Variants in GALNT18 observed in about 807,000 individuals in gnomAD.
GALNT18 encodes the protein polypeptide N-acetylgalactosaminyltransferase 18.
Under a neutral mutation model 69.5 loss-of-function variants are expected in GALNT18, and 44 were observed. The ratio of observed to expected loss-of-function variants is 0.63; its 90% confidence interval spans 0.50 to 0.81. The LOEUF (loss-of-function observed/expected upper bound fraction) is 0.81, where lower values mean the gene tolerates loss of function less well. GALNT18 is among the 40% of genes least tolerant of loss of function. GALNT18 has a pLI of 0.00. For missense variants in GALNT18, 715 were observed against 810.0 expected, an observed-to-expected ratio of 0.88 and a Z score of 1.42; for synonymous variants, 364 against 318.2, an observed-to-expected ratio of 1.14 and a Z score of -1.53.
intron 8 of GALNT18, among the ~76,000 whole-genome samples, chr11:11,328,148 G>A (rs1269508908): frequency 1.3e-5 from 2 of 152,150 alleles, no homozygotes; most frequent in African/African-American, 4.8e-5. Flanking sequence ...GATGATGCAC[G>A]AGGCAGACAG....
intron 1 of GALNT18, among the ~76,000 whole-genome samples, chr11:11,566,464 C>T (rs758578704): frequency 3.7e-4 from 56 of 152,208 alleles, no homozygotes; most frequent in Non-Finnish European, 1.5e-4. Context: ...ATTAATTCCC[C>T]TGAGTGTGAT....
At chr11:11,395,338 G>A (rs1393252901) in intron 3 of GALNT18, among the ~76,000 whole-genome samples, 1 of 152,374 alleles carries the variant, frequency 6.6e-6, no homozygotes, top group Admixed American at 6.5e-5. Context: ...AAGGAAAGGG[G>A]ACAGGTGGCC....
At chr11:11,486,837 G>A (rs1161701599) in intron 1 of GALNT18, among the ~76,000 whole-genome samples, 1 of 152,190 alleles carries the variant, frequency 6.6e-6, no homozygotes, top group Non-Finnish European at 1.5e-5. Context: ...AGACCCCCAT[G>A]TGCTAAAAGC....
Position 11,418,873 on chromosome 11 carries a change from C to T in GALNT18, c.595+13748G>A, listed in dbSNP as rs186546913. 5.9e-5 allele frequency among the ~76,000 whole-genome samples: 9 copies of T among 152,326 alleles called. No individual in the cohort carries two copies. In the East Asian group the frequency reaches 1.5e-3, roughly 26 times the overall value. ...TAACTTCTCTGGATCGCAGTTTTCT[C>T]TCCAGTCAAATGAGGATGTTGGATT... On this transcript the variant is annotated intron_variant, in intron 3 of 10. Transcript: ENST00000227756.
At position 11,542,785 on chromosome 11, in the gene GALNT18, C is replaced by T. The variant is rs948520083; in HGVS notation, c.235+78574G>A. Among the ~76,000 whole-genome samples the T allele has an allele frequency of 2.0e-5, 3 of 152,196 alleles. No individual in the cohort carries two copies. The highest frequency in any genetic ancestry group is 2.1e-4 in the South Asian group (1 of 4,828). On this transcript the variant is annotated intron_variant, in intron 1 of 10. Transcript: ENST00000227756. This position sits in a 1 kb window ranked among gnomAD's most constrained non-coding sequence, Gnocchi z 4.3. Reference sequence around the variant, plus strand: ...AGCCCCTTTCTTCATTATTTCTGATCGATCTGCTTTTGATAGCACTTTCCA... The same window carrying T: ...AGCCCCTTTCTTCATTATTTCTGATTGATCTGCTTTTGATAGCACTTTCCA...
At chr11:11,440,945 G>A (rs1483913965) in intron 2 of GALNT18, among the ~76,000 whole-genome samples, 7 of 152,198 alleles carry the variant, frequency 4.6e-5, no homozygotes, top group Admixed American at 3.9e-4. Context: ...ATAAATGAGA[G>A]ACCTGGCCTC....
chr11:11,390,944 G>T (rs1446943162), intron 3 of GALNT18, among the ~76,000 whole-genome samples: 1 of 152,196 alleles, frequency 6.6e-6, no homozygotes, highest in Non-Finnish European at 1.5e-5. Context: ...TTGGGTCGCT[G>T]TGGAAATCCA....
intron 1 of GALNT18, among the ~76,000 whole-genome samples, chr11:11,528,193 T>C (rs995681204): frequency 1.3e-5 from 2 of 152,228 alleles, no homozygotes; most frequent in Admixed American, 6.5e-5. Context: ...CTGAATGACA[T>C]GGATAAAGGC....
At chr11:11,370,121 C>T (rs1459279607) in intron 6 of GALNT18, among the ~76,000 whole-genome samples, 6 of 151,944 alleles carry the variant, frequency 3.9e-5, no homozygotes, top group Admixed American at 2.6e-4. Context: ...TAGGGTGTTT[C>T]GTGGATGGAT....
chr11:11,458,582 C>T (rs945591562), intron 1 of GALNT18, among the ~76,000 whole-genome samples: 6 of 152,212 alleles, frequency 3.9e-5, no homozygotes, highest in Non-Finnish European at 8.8e-5. Flanking sequence ...AAGCTTGATG[C>T]TTGGGCCTTG....
intron 1 of GALNT18, among the ~76,000 whole-genome samples, chr11:11,526,422 T>C (rs748850849): frequency 3.3e-5 from 5 of 152,230 alleles, no homozygotes; most frequent in South Asian, 4.1e-4. Context: ...CTTTCTGGCA[T>C]GTATAGTTAC....
Position 11,372,659 on chromosome 11 carries a change from G to C in GALNT18, c.978-30C>G. ...AGGGGCAGGGGAGAGCAGAAGGGCT[G>C]TCTGGTGCAGCTGTCCGAGGAGTAA... On this transcript the variant is annotated intron_variant, in intron 5 of 10. Transcript: ENST00000227756. The surrounding 1 kb of genome is among the most constrained non-coding windows in gnomAD (Gnocchi z 4.9). The C allele has an allele frequency of 6.4e-7, 1 of 1,561,540 alleles. No homozygotes were observed. The highest frequency in any genetic ancestry group is 8.8e-7 in the Non-Finnish European group (1 of 1,133,598).
At chr11:11,308,782 C>T (rs976488074) in intron 9 of GALNT18, among the ~76,000 whole-genome samples, 1 of 152,294 alleles carries the variant, frequency 6.6e-6, no homozygotes, top group East Asian at 1.9e-4. Flanking sequence ...TCAGCTACAT[C>T]CATCAAGGTC....
At chr11:11,327,021 T>A (rs2035037297) in intron 9 of GALNT18, 65 bp downstream of exon 9, 1 of 1,184,974 alleles carries the variant, frequency 8.4e-7, no homozygotes, top group African/African-American at 1.5e-5. Context: ...AGAGCCTAGC[T>A]CTCCTTCCCC....
At position 11,293,105 on chromosome 11, in the gene GALNT18, A is replaced by G; in HGVS notation, c.1601T>C (p.Val534Ala). 1 of 1,376,930 alleles carries G rather than the reference A, an allele frequency of 7.3e-7. No individual in the cohort carries two copies. Among genetic ancestry groups the G allele is most frequent in the Non-Finnish European group, 9.5e-7 (1 of 1,056,032 alleles). The allele number at this position is 1,376,930 out of a possible 1,614,324, so 85.3% of individuals were successfully genotyped here. ...DDDDNRCLVDVNSRPRLIECS... is the reference protein window; with the variant it reads ...DDDDNRCLVDANSRPRLIECS... ...TTCGATGAGCCGGGGCCGGCTGTTGACGTCCACCAGGCATCGGTTGTCATC... is the reference window on the plus strand; with the variant it reads ...TTCGATGAGCCGGGGCCGGCTGTTGGCGTCCACCAGGCATCGGTTGTCATC... Residue 534 changes from valine (V) to alanine (A), a missense_variant, in exon 10 of 11, where the codon GTC (valine) becomes GCC (alanine). Coordinates refer to ENST00000227756, the MANE Select transcript of GALNT18 (RefSeq NM_198516.3).
At chr11:11,579,649 G>A (rs986469996) in intron 1 of GALNT18, among the ~76,000 whole-genome samples, 35 of 145,766 alleles carry the variant, frequency 2.4e-4, no homozygotes, top group African/African-American at 8.8e-4. Context: ...TCCTTGTGAG[G>A]AGGGGCAGTG....
chr11:11,510,854 A>G (rs906970182), intron 1 of GALNT18, among the ~76,000 whole-genome samples: 2 of 152,210 alleles, frequency 1.3e-5, no homozygotes, highest in African/African-American at 4.8e-5. Flanking sequence ...GGACAGTCCC[A>G]GAGCTCAGCC....
intron 2 of GALNT18, 77 bp downstream of exon 2, chr11:11,448,667 G>A (rs1001730288): frequency 6.2e-6 from 8 of 1,297,484 alleles, no homozygotes; most frequent in South Asian, 2.9e-5. Flanking sequence ...GCCCAGTCCT[G>A]CTCTGTTCCC....
At chr11:11,456,125 TC>T (rs138767208) in intron 1 of GALNT18, among the ~76,000 whole-genome samples, 1,523 of 152,200 alleles carry the variant, frequency 0.01, 38 homozygotes, top group African/African-American at 0.035. Flanking sequence ...TTATTTGGGG[TC>T]CAACTGCAGG....
Sources: allele counts gnomAD v4.1 joint callset (sites outside exome capture counted in the v4.1 genomes callset), GRCh38; gene constraint gnomAD v4.1.1; non-coding constraint Gnocchi (gnomAD v3.1); transcripts MANE v1.5; gene names NCBI Gene and HGNC (gene_info 2026-07-23, HGNC 2026-07-21).